Variants in CASP1 observed in about 807,000 individuals in gnomAD.
CASP1 encodes the protein caspase 1.
A neutral mutation model predicts 41.2 loss-of-function variants in CASP1; 31 were observed. The ratio of observed to expected loss-of-function variants is 0.75; its 90% CI spans 0.57 to 1.02. The LOEUF is 1.02. Among genes scored for constraint, CASP1 ranks in the 50% least tolerant of loss-of-function variants. The probability of loss-of-function intolerance (pLI) is 0.00; values close to 1 mark genes in which losing one functional copy is unlikely to be tolerated. For missense variants in CASP1, 490 were observed against 495.7 expected (o/e 0.99, Z 0.11); for synonymous variants, 163 against 166.5 (o/e 0.98, Z 0.16).
At chr11:105,035,149 T>C (rs1863952170), upstream of CASP1, 1 of 1,613,848 alleles carries the variant, frequency 6.2e-7, no homozygotes, top group Non-Finnish European at 8.5e-7. Flanking sequence ...TGACTGAAAC[T>C]GAAAGTATGC....
intron 2 of CASP1, 95 bp downstream of exon 2, chr11:105,034,113 A>C: frequency 6.2e-7 from 1 of 1,603,570 alleles, no homozygotes; most frequent in Non-Finnish European, 8.5e-7. Context: ...GAAATAAGAA[A>C]GTTTTCTTCC....
chr11:105,029,025 T>G (rs1014291312), intron 7 of CASP1, 99 bp downstream of exon 7: 2 of 1,112,420 alleles, frequency 1.8e-6, no homozygotes, highest in Admixed American at 4.7e-5. Context: ...GAACAAAGCT[T>G]GAGTTGGTCT....
chr11:105,027,391 A>G (rs370208742), intron 7 of CASP1, among the ~76,000 whole-genome samples: 3 of 152,152 alleles, frequency 2.0e-5, no homozygotes, highest in South Asian at 4.1e-4. Context: ...TTTACACACA[A>G]AAAGTTAACT....
intron 4 of CASP1, chr11:105,030,835 G>T: frequency 5.8e-6 from 2 of 347,644 alleles, no homozygotes; most frequent in Non-Finnish European, 1.0e-5. Flanking sequence ...TAACAATCCC[G>T]TCTCAGCTTC....
chr11:105,026,369 G>C lies in CASP1; in HGVS notation c.1117-13C>G. 6.4e-7 allele frequency: 1 copy of C among 1,574,438 alleles called. No individual in the cohort carries two copies. Among genetic ancestry groups the C allele is most frequent in the Non-Finnish European group, 8.7e-7 (1 of 1,146,982 alleles). The stretch of plus-strand genomic sequence containing the variant: ...ATGAAAATCGAACCTAAAAGAGTAA[G>C]GAAAGTCTGTAGCCCTTTTTTTTGC... On this transcript the variant is annotated splice_polypyrimidine_tract_variant and intron_variant, in intron 8 of 8. Transcript: ENST00000533400.
chr11:105,029,550 C>T, intron 6 of CASP1, 115 bp downstream of exon 6: 1 of 715,366 alleles, frequency 1.4e-6, no homozygotes, highest in Non-Finnish European at 2.4e-6. Context: ...TGAATACTGA[C>T]AGTATGTGTT....
At chr11:105,036,126 A>G (rs1325888214), upstream of CASP1, among the ~76,000 whole-genome samples, 1 of 152,224 alleles carries the variant, frequency 6.6e-6, no homozygotes, top group Non-Finnish European at 1.5e-5. Flanking sequence ...TGGAAAATGC[A>G]TGGAACATAG....
chr11:105,026,486 C>T (rs1038135270), intron 8 of CASP1, 130 bp from the exon 9 acceptor site: 4 of 643,486 alleles, frequency 6.2e-6, no homozygotes, highest in Non-Finnish European at 1.1e-5. Context: ...GTACTTCCAT[C>T]TGCAACAAGT....
upstream of CASP1, among the ~76,000 whole-genome samples, chr11:105,036,519 C>T (rs1328631627): frequency 2.0e-5 from 3 of 151,800 alleles, no homozygotes; most frequent in Admixed American, 1.3e-4. Flanking sequence ...TGTTTTTTTT[C>T]CATGCTGTTC....
Position 105,031,268 on chromosome 11 carries a change from A to C in CASP1, c.350T>G (p.Val117Gly). Residue 117 changes from valine to glycine, a missense_variant, in exon 4 of 9, where the codon GTG becomes GGG. By Grantham distance (109) the Val-to-Gly change is moderately radical. Transcript: ENST00000533400. ...TGTGGGCATAGCTGGGTTGTCCTGCACTGCCTGAGGAGCTGCAAGAGACAA... is the reference window on the plus strand; with the variant it reads ...TGTGGGCATAGCTGGGTTGTCCTGCCCTGCCTGAGGAGCTGCAAGAGACAA... The part of the protein sequence containing the change: ...VLSSFPAPQA[V>G]QDNPAMPTSS... The C allele has an allele frequency of 6.2e-7, 1 of 1,601,430 alleles. No homozygotes were observed. Among genetic ancestry groups the C allele is most frequent in the Non-Finnish European group, 8.6e-7 (1 of 1,168,834 alleles).
In CASP1 at chr11:105,026,326, T is replaced by C. The variant is rs1863280775; in HGVS notation, c.1147A>G (p.Arg383Gly). ...CTTTCAGTGGTGGGCATCTGCGCTC[T>C]ACCATCTGGCTGCTCAAATGAAAAT... ...VRFSFEQPDG[R>G]AQMPTTERVT... The change falls in exon 9 of 9, where the codon AGA (arginine) becomes GGA (glycine). Residue 383 changes from arginine (R) to glycine (G), a missense_variant. Physicochemically the swap from Arg to Gly is moderately radical, Grantham distance 125. Transcript: ENST00000533400. 6.2e-7 allele frequency: 1 copy of C among 1,611,488 alleles called. No individual in the cohort carries two copies. The highest frequency in any genetic ancestry group is 8.5e-7 in the Non-Finnish European group (1 of 1,178,220).
chr11:105,030,670 T>C (rs763428034), intron 4 of CASP1, 167 bp from the exon 5 acceptor site: 127 of 564,382 alleles, frequency 2.3e-4, no homozygotes, highest in Admixed American at 3.2e-4. Flanking sequence ...AGAGTATGCA[T>C]GGACATTGCA....
chr11:105,031,744 T>C (rs1337989887), intron 3 of CASP1, among the ~76,000 whole-genome samples: 7 of 152,206 alleles, frequency 4.6e-5, no homozygotes, highest in Non-Finnish European at 1.0e-4. Context: ...TTAATATACA[T>C]GGTAGTAAGC....
chr11:105,026,710 A>G (rs2282659), intron 8 of CASP1, 132 bp downstream of exon 8: 161,618 of 639,318 alleles, frequency 0.25, 21,171 homozygotes, highest in Non-Finnish European at 0.28. Flanking sequence ...TCTCCAAAGA[A>G]CTCCAAAACT....
Position 105,026,787 on chromosome 11 carries a change from C to T in CASP1, c.1116+55G>A, listed in dbSNP as rs552509497. The T allele has an allele frequency of 2.2e-5, 20 of 891,204 alleles. No homozygotes were observed. In the South Asian group the frequency reaches 2.6e-4, roughly 12 times the overall value. The allele number at this position is 891,204 out of a possible 1,614,324, so 55.2% of individuals were successfully genotyped here. A position where few individuals can be genotyped will look rare whatever the true frequency, so the allele number is the denominator to read the frequency against. On this transcript the variant is annotated intron_variant, in intron 8 of 8. Coordinates refer to ENST00000533400, the MANE Select transcript of CASP1 (RefSeq NM_001257118.3). ...GATCTGCTTTCTATGCTTCCAATTG[C>T]AATAGCCAAGCATTCAGGGAAGTAG...
chr11:105,035,079 C>A (rs1198016250), intron 1 of CASP1, 28 bp downstream of exon 1: 1 of 1,612,554 alleles, frequency 6.2e-7, no homozygotes, highest in African/African-American at 1.3e-5. Flanking sequence ...TTCCCAGGGA[C>A]CTGTTCTTGG....
chr11:105,036,110 A>G (rs1864007739), upstream of CASP1, among the ~76,000 whole-genome samples: 1 of 152,176 alleles, frequency 6.6e-6, no homozygotes, highest in Non-Finnish European at 1.5e-5. Context: ...TAAGTGAGAG[A>G]AAATGTGGAA....
intron 1 of CASP1, 61 bp downstream of exon 1, chr11:105,035,046 C>T: frequency 6.2e-7 from 1 of 1,606,474 alleles, no homozygotes; most frequent in Non-Finnish European, 8.5e-7. Flanking sequence ...TCCAGAAGAG[C>T]CAGCCCCTTC....
Position 105,034,210 on chromosome 11 carries a change from G to T in CASP1, c.272C>A (p.Ala91Glu). 1.9e-6 allele frequency: 3 copies of T among 1,614,048 alleles called. No individual in the cohort carries two copies. The change falls in exon 2 of 9, where the codon GCA (alanine) becomes GAA (glutamate). Residue 91 changes from alanine (A) to glutamate (E), a missense_variant and splice_region_variant. Coordinates refer to ENST00000533400, the MANE Select transcript of CASP1 (RefSeq NM_001257118.3). ...GAGTGTAAGTCACTGACCCTTACCT[G>T]CTGAGAGTCCCAGCGTCCCTGCCAG... is the stretch of plus-strand genomic sequence containing the variant. Reference protein sequence around the residue: ...SYLAGTLGLSADQTSGNYLNM... With the variant: ...SYLAGTLGLSEDQTSGNYLNM...
Sources: gnomAD v4.1 joint callset for allele counts (sites outside exome capture counted in the v4.1 genomes callset) on GRCh38, gnomAD v4.1.1 for gene constraint, MANE v1.5 for transcripts, NCBI Gene and HGNC (gene_info 2026-07-23, HGNC 2026-07-21) for gene names.